The following LACTBL1 variants were observed in gnomAD, a reference collection of about 807,000 sequenced individuals.
LACTBL1 encodes the protein lactamase beta like 1.
A neutral mutation model predicts 39.6 loss-of-function variants in LACTBL1; 29 were observed. That is an observed-to-expected ratio of 0.73 (90% CI 0.55 to 1.00). The LOEUF (loss-of-function observed/expected upper bound fraction) is 1.00. Ranked by LOEUF, LACTBL1 falls within the 50% of genes least tolerant of loss-of-function variation. The probability of loss-of-function intolerance (pLI) is 0.00; values close to 1 mark genes in which losing one functional copy is unlikely to be tolerated. For synonymous variants in LACTBL1, 361 were observed against 360.7 expected, an observed-to-expected ratio of 1.00 and a Z score of -0.01; for missense variants, 711 against 748.5, an observed-to-expected ratio of 0.95 and a Z score of 0.59.
exon 6 of LACTBL1, chr1:22,953,180 G>C (rs1245163092): frequency 4.9e-6 from 6 of 1,232,054 alleles, no homozygotes; most frequent in East Asian, 6.3e-5. Flanking sequence ...TGGGCCTCGA[G>C]CGAGAGCCAC....
chr1:22,958,591 C>A, intron 4 of LACTBL1, 94 bp downstream of exon 6: 1 of 1,092,604 alleles, frequency 9.2e-7, no homozygotes, highest in South Asian at 1.6e-5. Flanking sequence ...GAAGCAGAGC[C>A]AAGAGTGAGC....
the LACTBL1 span, among the ~76,000 whole-genome samples, chr1:22,970,910 G>T: frequency 6.6e-6 from 1 of 151,516 alleles, no homozygotes; most frequent in African/African-American, 2.4e-5. Context: ...GATCCCAAAA[G>T]CATTGGGATT....
chr1:22,970,443 G>A, the LACTBL1 span, among the ~76,000 whole-genome samples: 35 of 152,314 alleles, frequency 2.3e-4, no homozygotes, highest in African/African-American at 8.4e-4. Context: ...TTGTCTGGAG[G>A]TAGGGATGAG....
At chr1:22,953,092 G>A (rs1357216751) in exon 6 of LACTBL1, 79 of 1,232,130 alleles carry the variant, frequency 6.4e-5, no homozygotes, top group Non-Finnish European at 7.1e-5. Flanking sequence ...CACTCTGTAC[G>A]TGTTGAGGCC....
chr1:22,953,112 G>A, exon 6 of LACTBL1: 2 of 1,229,914 alleles, frequency 1.6e-6, no homozygotes. Flanking sequence ...CGGGCACGTC[G>A]AAGCCGGGTG....
At chr1:22,965,219 G>A (rs1640864413) in intron 1 of LACTBL1, 71 bp downstream of exon 3, 1 of 1,244,610 alleles carries the variant, frequency 8.0e-7, no homozygotes, top group South Asian at 3.0e-5. Flanking sequence ...CTAGAATCAG[G>A]GGTGGCAGCT....
chr1:22,964,327 T>TG, intron 1 of LACTBL1, among the ~76,000 whole-genome samples: 1 of 152,144 alleles, frequency 6.6e-6, no homozygotes, highest in Non-Finnish European at 1.5e-5. Context: ...CGGAACAAAT[T>TG]GCGACCTTTC....
chr1:22,964,942 G>C (rs982287251), intron 1 of LACTBL1, among the ~76,000 whole-genome samples: 3 of 152,176 alleles, frequency 2.0e-5, no homozygotes, highest in African/African-American at 7.2e-5. Context: ...TCTTGAAAGG[G>C]GGCTGGAGCC....
At position 22,960,830 on chromosome 1, in the gene LACTBL1, A is replaced by T. The variant is rs529580582; in HGVS notation, c.160-731T>A. 2.0e-5 allele frequency among the ~76,000 whole-genome samples: 3 copies of T among 152,218 alleles called. No individual in the cohort carries two copies. In the South Asian group the frequency reaches 6.2e-4, roughly 32 times the overall value. ...AGTCTCACCATGTCACCCAGGCTAG[A>T]GTGCAGTGGCTCAAGCACAGCTCAC... is the stretch of plus-strand genomic sequence containing the variant. On this transcript the variant is annotated intron_variant, in intron 2 of 5. Transcript: ENST00000426928.
chr1:22,963,276 A>G, intron 1 of LACTBL1, 60 bp from the exon 4 acceptor site: 1 of 1,000,254 alleles, frequency 1.0e-6, no homozygotes, highest in Non-Finnish European at 1.4e-6. Context: ...TCTAGGGGGA[A>G]AGTGGCAGCA....
Position 22,954,893 on chromosome 1 carries a change from A to G in LACTBL1, c.659+428T>C, listed in dbSNP as rs561767657. 1.6e-4 allele frequency among the ~76,000 whole-genome samples: 24 copies of G among 152,296 alleles called. No homozygotes were observed. In the East Asian group the frequency reaches 4.6e-3, roughly 29 times the overall value. The stretch of plus-strand genomic sequence containing the variant: ...CCAGCCCCACAGCCCCACTGCTCCC[A>G]GAGTGGGGCTTCTCTGTTCAGTGGC... On this transcript the variant is annotated intron_variant, in intron 5 of 5. Transcript: ENST00000426928.
At chr1:22,955,481 G>T in intron 4 of LACTBL1, 55 bp from the exon 7 acceptor site, 1 of 1,151,226 alleles carries the variant, frequency 8.7e-7, no homozygotes, top group Non-Finnish European at 1.3e-6. Context: ...GGGATGGTGG[G>T]CCCCTGGGTG....
chr1:22,963,375 G>C (rs1032266662), intron 1 of LACTBL1, among the ~76,000 whole-genome samples, 159 bp from the exon 4 acceptor site: 1 of 152,228 alleles, frequency 6.6e-6, no homozygotes, highest in African/African-American at 2.4e-5. Context: ...TAGCCCCTGA[G>C]GGGCCTAGGG....
exon 4 of LACTBL1, chr1:22,958,882 A>T: frequency 6.4e-7 from 1 of 1,550,502 alleles, no homozygotes; most frequent in Non-Finnish European, 8.7e-7. Context: ...CAGACGGTAC[A>T]GCATGAGGAC....
exon 4 of LACTBL1, chr1:22,958,713 G>A: frequency 4.5e-6 from 7 of 1,549,952 alleles, no homozygotes; most frequent in Non-Finnish European, 6.1e-6. Context: ...TCCTTCGAAG[G>A]GTGACAGGTG....
At chr1:22,957,267 G>A (rs1444916898) in intron 4 of LACTBL1, among the ~76,000 whole-genome samples, 1 of 152,064 alleles carries the variant, frequency 6.6e-6, no homozygotes, top group Non-Finnish European at 1.5e-5. Context: ...CCCTATTGAT[G>A]GACATTTAGG....
chr1:22,966,537 C>T (rs919410629), upstream of LACTBL1, among the ~76,000 whole-genome samples: 2 of 152,160 alleles, frequency 1.3e-5, no homozygotes, highest in African/African-American at 4.8e-5. Flanking sequence ...ATATTATGAA[C>T]AACTTTGTAC....
chr1:22,970,824 A>C, the LACTBL1 span, among the ~76,000 whole-genome samples: 1 of 152,138 alleles, frequency 6.6e-6, no homozygotes, highest in South Asian at 2.1e-4. Flanking sequence ...AAAAAAAAAA[A>C]AAACAACTCT....
intron 5 of LACTBL1, 149 bp from the exon 8 acceptor site, chr1:22,954,173 A>G (rs1640740142): frequency 7.2e-7 from 1 of 1,398,242 alleles, no homozygotes; most frequent in Non-Finnish European, 9.5e-7. Flanking sequence ...GAGACTTTGG[A>G]GCACTGACTC....
Sources: gnomAD v4.1 joint callset for allele counts (sites outside exome capture counted in the v4.1 genomes callset) on GRCh38, gnomAD v4.1.1 for gene constraint, MANE v1.5 for transcripts, NCBI Gene and HGNC (gene_info 2026-07-23, HGNC 2026-07-21) for gene names.